Variants in MICAL2 observed in about 807,000 individuals in gnomAD.
MICAL2 encodes the protein microtubule associated monooxygenase, calponin and LIM domain containing 2.
MICAL2 carries 77 observed loss-of-function variants against 127.3 expected under a neutral mutation model. The ratio of observed to expected loss-of-function variants is 0.60; its 90% CI spans 0.50 to 0.73. MICAL2 has a LOEUF of 0.73. MICAL2 is among the 30% of genes least tolerant of loss of function. MICAL2 has a pLI of 0.00. For missense variants in MICAL2, 1,351 were observed against 1,434.4 expected (o/e 0.94, Z 0.94); for synonymous variants, 570 against 551.1 (o/e 1.03, Z -0.48).
chr11:12,333,380 C>T (rs1938686222), intron 32 of MICAL2, among the ~76,000 whole-genome samples: 1 of 151,184 alleles, frequency 6.6e-6, no homozygotes, highest in South Asian at 2.1e-4. Context: ...AGCAATAGAA[C>T]AGAATAGAAC....
chr11:12,146,900 G>A (rs1229345015), intron 2 of MICAL2, among the ~76,000 whole-genome samples: 1 of 152,224 alleles, frequency 6.6e-6, no homozygotes, highest in Non-Finnish European at 1.5e-5. Context: ...ATGAGTTCAT[G>A]TCCTTTGTAG....
chr11:12,359,721 G>A (rs368235119), downstream of MICAL2, among the ~76,000 whole-genome samples: 38 of 152,316 alleles, frequency 2.5e-4, no homozygotes, highest in African/African-American at 9.1e-4. Flanking sequence ...ATATGGTGAT[G>A]TGTTGTCATA....
Position 12,220,413 on chromosome 11 carries a change from G to A in MICAL2, c.1161G>A (p.Gln387=). 6.2e-7 allele frequency: 1 copy of A among 1,613,204 alleles called. No homozygotes were observed. Residue 387 remains glutamine, a synonymous_variant, in exon 9 of 28, where the codon CAG becomes CAA. Coordinates refer to ENST00000683283, the MANE Select transcript of MICAL2 (RefSeq NM_001282663.2). The part of the protein sequence containing the change: ...SENAALVRER[Q]AHQLLVALVG... The stretch of plus-strand genomic sequence containing the variant: ...ACGCGGCCCTGGTGCGGGAGCGGCA[G>A]GCGCACCAGCTGCTCGTGGCCCTTG...
chr11:12,184,535 C>G (rs11022232), intron 3 of MICAL2, among the ~76,000 whole-genome samples: 55,226 of 152,020 alleles, frequency 0.36, 10,402 homozygotes, highest in Admixed American at 0.43. Context: ...TCTGTCCCAG[C>G]GAATGTCTGA....
chr11:12,280,936 T>C (rs978353171), exon 2 of MICAL2: 8 of 399,008 alleles, frequency 2.0e-5, no homozygotes, highest in Non-Finnish European at 3.5e-5. Flanking sequence ...CTTCCAGCTC[T>C]GACACAGAGT....
At chr11:12,163,185 A>G (rs755697344) in intron 3 of MICAL2, among the ~76,000 whole-genome samples, 2 of 152,206 alleles carry the variant, frequency 1.3e-5, no homozygotes, top group Non-Finnish European at 2.9e-5. Flanking sequence ...ACATAGGCTC[A>G]CTATCGCAAC....
chr11:12,348,576 A>G (rs937546587), intron 32 of MICAL2, among the ~76,000 whole-genome samples: 2 of 152,186 alleles, frequency 1.3e-5, no homozygotes, highest in African/African-American at 4.8e-5. Flanking sequence ...ACACAGAGAA[A>G]AGGGAACTAA....
intron 5 of MICAL2, 136 bp from the exon 6 acceptor site, chr11:12,209,361 C>T (rs1855142098): frequency 1.4e-6 from 1 of 731,422 alleles, no homozygotes; most frequent in Non-Finnish European, 2.5e-6. Flanking sequence ...ACTGCTCTAG[C>T]CTTTCCCCTG....
At chr11:12,293,586 A>C, downstream of MICAL2, 1 of 1,612,858 alleles carries the variant, frequency 6.2e-7, no homozygotes, top group Non-Finnish European at 8.5e-7. Flanking sequence ...CCCCTCTCGC[A>C]AGTCTCGAGA....
chr11:12,245,104 G>T lies in MICAL2; in HGVS notation c.2784+992G>T, dbSNP rs200537976. Among the ~76,000 whole-genome samples the T allele has an allele frequency of 2.0e-5, 3 of 152,162 alleles. No homozygotes were observed. In the East Asian group the frequency reaches 5.8e-4, roughly 29 times the overall value. The stretch of plus-strand genomic sequence containing the variant: ...CTGTGCTGAGAATAATACCAGGCTT[G>T]GGTGGGAGAGGGTCTGTCTTCTGGG... On this transcript the variant is annotated intron_variant, in intron 21 of 27. Transcript: ENST00000683283.
intron 1 of MICAL2, among the ~76,000 whole-genome samples, chr11:12,120,667 A>C (rs1850431854): frequency 6.6e-6 from 1 of 152,230 alleles, no homozygotes; most frequent in Non-Finnish European, 1.5e-5. Flanking sequence ...AGGTAACAGC[A>C]CAAAGAGATG....
intron 26 of MICAL2, chr11:12,260,369 T>C: frequency 7.7e-7 from 1 of 1,293,088 alleles, no homozygotes; most frequent in Non-Finnish European, 9.8e-7. Context: ...GGGCCAGGGA[T>C]GATATGAAGG....
intron 3 of MICAL2, among the ~76,000 whole-genome samples, chr11:12,180,350 T>TATATATATATATATA (rs1554968182): frequency 9.6e-5 from 10 of 104,130 alleles, no homozygotes; most frequent in South Asian, 4.5e-4. Context: ...TATGTATATA[T>TATATATATATATATA]TTTTTTTTTG....
chr11:12,246,886 C>T (rs1342838551), intron 21 of MICAL2, among the ~76,000 whole-genome samples: 1 of 152,132 alleles, frequency 6.6e-6, no homozygotes, highest in Non-Finnish European at 1.5e-5. Flanking sequence ...TACAAGCCTA[C>T]AACAATCAAT....
chr11:12,283,343 T>TAAA (rs56832587), intron 2 of MICAL2, among the ~76,000 whole-genome samples: 2,840 of 132,512 alleles, frequency 0.021, 40 homozygotes, highest in South Asian at 0.028. Flanking sequence ...GTGTGGAGTT[T>TAAA]AAAAAAAAAA....
At chr11:12,324,197 C>T (rs1014762757) in intron 31 of MICAL2, 2 of 1,125,990 alleles carry the variant, frequency 1.8e-6, no homozygotes, top group Non-Finnish European at 2.4e-6. Context: ...CAGTCTTGTT[C>T]TCTGAGGAAC....
Position 12,215,689 on chromosome 11 carries a change from C to T in MICAL2, c.848-530C>T, listed in dbSNP as rs115505273. Among the ~76,000 whole-genome samples the T allele has an allele frequency of 5.6e-3, 851 of 152,312 alleles. 10 individuals are homozygous for T. The highest frequency in any genetic ancestry group is 0.014 in the African/African-American group (572 of 41,564). On this transcript the variant is annotated intron_variant, in intron 7 of 27. Transcript: ENST00000683283. ...AATGTCTTGTGATTGGTGGAAAGCA[C>T]AAAAAGATACAGCCCAGCCTTCTAA...
intron 29 of MICAL2, among the ~76,000 whole-genome samples, chr11:12,310,408 C>G (rs1432274817): frequency 6.6e-6 from 1 of 152,112 alleles, no homozygotes; most frequent in Non-Finnish European, 1.5e-5. Context: ...ATTGAGTTTT[C>G]CCAGCACTAT....
intron 18 of MICAL2, among the ~76,000 whole-genome samples, chr11:12,241,487 T>C (rs1859955628): frequency 6.6e-6 from 1 of 152,204 alleles, no homozygotes; most frequent in African/African-American, 2.4e-5. Context: ...ACCATTCAAA[T>C]AGGCTGATTT....
Sources: allele counts gnomAD v4.1 joint callset (sites outside exome capture counted in the v4.1 genomes callset), GRCh38; gene constraint gnomAD v4.1.1; transcripts MANE v1.5; gene names NCBI Gene and HGNC (gene_info 2026-07-23, HGNC 2026-07-21).